Variants in FBLN5 observed in about 807,000 individuals in gnomAD.
FBLN5 encodes fibulin 5, also known as fibulin-5.
FBLN5 carries 24 observed loss-of-function variants against 61.6 expected under a neutral mutation model. That is an observed-to-expected ratio of 0.39 (90% confidence interval 0.28 to 0.55). FBLN5 has a LOEUF of 0.55. FBLN5 is among the 20% of genes least tolerant of loss of function. The pLI, the probability that FBLN5 is intolerant of heterozygous loss-of-function variation, is 0.65. For synonymous variants in FBLN5, 213 were observed against 219.8 expected, an observed-to-expected ratio of 0.97 and a Z score of 0.27; for missense variants, 470 against 594.1, an observed-to-expected ratio of 0.79 and a Z score of 2.17.
chr14:91,870,490 C>T (rs1237215022), intron 10 of FBLN5, 105 bp from the exon 11 acceptor site: 94 of 1,099,072 alleles, frequency 8.6e-5, no homozygotes, highest in Non-Finnish European at 1.1e-4. Context: ...GGCACCCCCT[C>T]GGTGCCTCAA....
Position 91,931,121 on chromosome 14 carries a change from G to A in FBLN5, c.379+5826C>T, listed in dbSNP as rs148860790. On this transcript the variant is annotated intron_variant, in intron 4 of 10. Transcript: ENST00000342058. Reference sequence around the variant, plus strand: ...TTTACAGATGAGGAAACCAACCCCCGTCCTCACAGGTAGGAAGTGGCCAAA... The same window carrying A: ...TTTACAGATGAGGAAACCAACCCCCATCCTCACAGGTAGGAAGTGGCCAAA... 5.7e-3 allele frequency among the ~76,000 whole-genome samples: 861 copies of A among 152,260 alleles called. 4 individuals carry two copies. The highest frequency in any genetic ancestry group is 0.01 in the Middle Eastern group (3 of 294).
chr14:91,897,041 G>A (rs894166125), intron 4 of FBLN5, among the ~76,000 whole-genome samples: 5 of 151,976 alleles, frequency 3.3e-5, no homozygotes, highest in Non-Finnish European at 5.9e-5. Flanking sequence ...CACTAACAAC[G>A]CTGATCAGTC....
At chr14:91,928,796 C>T (rs1395421007) in intron 4 of FBLN5, among the ~76,000 whole-genome samples, 1 of 152,104 alleles carries the variant, frequency 6.6e-6, no homozygotes, top group Non-Finnish European at 1.5e-5. Context: ...CAGTGGCTCA[C>T]ACCTGTAATC....
intron 10 of FBLN5, among the ~76,000 whole-genome samples, chr14:91,871,605 C>T (rs1302903144): frequency 6.6e-6 from 1 of 152,150 alleles, no homozygotes; most frequent in Non-Finnish European, 1.5e-5. Context: ...CAACTGTAAT[C>T]CCAGCATTTG....
At chr14:91,902,988 C>T (rs1890522744) in intron 4 of FBLN5, among the ~76,000 whole-genome samples, 1 of 152,088 alleles carries the variant, frequency 6.6e-6, no homozygotes, top group Non-Finnish European at 1.5e-5. Flanking sequence ...TGCTCAGTAC[C>T]TGGGTAATGG....
At chr14:91,895,611 C>T (rs1207396418) in intron 4 of FBLN5, among the ~76,000 whole-genome samples, 5 of 151,734 alleles carry the variant, frequency 3.3e-5, no homozygotes, top group Admixed American at 6.6e-5. Flanking sequence ...CGAGCTCAGG[C>T]AACATGGTGA....
intron 4 of FBLN5, among the ~76,000 whole-genome samples, chr14:91,933,483 G>A (rs2140042369): frequency 6.6e-6 from 1 of 152,204 alleles, no homozygotes; most frequent in African/African-American, 2.4e-5. Flanking sequence ...GGCCAGGCTG[G>A]TCTCGAACTC....
At chr14:91,906,898 C>T (rs1890706710) in intron 4 of FBLN5, among the ~76,000 whole-genome samples, 1 of 152,206 alleles carries the variant, frequency 6.6e-6, no homozygotes, top group African/African-American at 2.4e-5. Context: ...ATAAATGACA[C>T]ACAGGCCCTG....
At chr14:91,938,720 T>A (rs2056060038) in intron 3 of FBLN5, among the ~76,000 whole-genome samples, 1 of 152,180 alleles carries the variant, frequency 6.6e-6, no homozygotes. Flanking sequence ...TACCGAGCCA[T>A]GTCAGCAGCC....
intron 1 of FBLN5, among the ~76,000 whole-genome samples, chr14:91,945,088 G>A (rs1396128608): frequency 2.0e-5 from 3 of 152,028 alleles, no homozygotes; most frequent in Admixed American, 6.5e-5. Flanking sequence ...AAAATTAGCC[G>A]ACTGTGGTGG....
chr14:91,891,363 G>A, intron 5 of FBLN5, 26 bp from the exon 6 acceptor site: 1 of 1,423,884 alleles, frequency 7.0e-7, no homozygotes, highest in Non-Finnish European at 9.9e-7. Flanking sequence ...CAAGCAAAGT[G>A]AGACAGGTCT....
chr14:91,939,394 C>T (rs2268006), intron 3 of FBLN5, among the ~76,000 whole-genome samples: 78,037 of 148,246 alleles, frequency 0.53, 20,644 homozygotes, highest in East Asian at 0.61. Flanking sequence ...GGCTGGAGTA[C>T]AGTGGTGCGA....
intron 7 of FBLN5, among the ~76,000 whole-genome samples, chr14:91,885,396 G>A (rs1889681798): frequency 6.6e-6 from 1 of 152,102 alleles, no homozygotes. Context: ...ACTCCACTGT[G>A]TCCAAAAAAA....
At chr14:91,901,716 ATG>A (rs2139993798) in intron 4 of FBLN5, among the ~76,000 whole-genome samples, 1 of 152,274 alleles carries the variant, frequency 6.6e-6, no homozygotes, top group South Asian at 2.1e-4. Context: ...TCTGCACTCC[ATG>A]TGTCTTACGG....
intron 4 of FBLN5, among the ~76,000 whole-genome samples, chr14:91,931,063 T>C (rs2055914026): frequency 6.6e-6 from 1 of 152,186 alleles, no homozygotes; most frequent in South Asian, 2.1e-4. Flanking sequence ...TGTTTGCACA[T>C]GTTATCTGTG....
intron 6 of FBLN5, among the ~76,000 whole-genome samples, chr14:91,889,448 C>T (rs531513689): frequency 6.6e-6 from 1 of 152,326 alleles, no homozygotes; most frequent in South Asian, 2.1e-4. Flanking sequence ...CACACAGGGC[C>T]CCACTCCAAC....
chr14:91,894,877 G>A lies in FBLN5; in HGVS notation c.502+73C>T, dbSNP rs1019016318. 11 of 1,277,376 alleles carry A rather than the reference G, an allele frequency of 8.6e-6. No homozygotes were observed. The African/African-American group carries it at 1.4e-4, about 16-fold the overall frequency. 79.1% of individuals were successfully genotyped at this position (1,277,376 alleles called of 1,614,324 possible). ...TTACTACCCTCAGGCAGCCAGCTAT[G>A]CCCATACCTCAAAATGCCCCTGGCA... On this transcript the variant is annotated intron_variant, in intron 5 of 10. Transcript: ENST00000342058.
chr14:91,894,847 A>C (rs1180557961), intron 5 of FBLN5, 103 bp downstream of exon 5: 1 of 988,210 alleles, frequency 1.0e-6, no homozygotes, highest in Non-Finnish European at 1.5e-6. Flanking sequence ...CTAGCAAAGA[A>C]AAGCTTACTA....
chr14:91,937,311 T>C (rs1427832663), intron 3 of FBLN5, 110 bp from the exon 4 acceptor site: 12 of 1,451,278 alleles, frequency 8.3e-6, no homozygotes, highest in Middle Eastern at 4.3e-4. Context: ...CCCAAACACC[T>C]AGGGTGGTCC....
Sources: gnomAD v4.1 joint callset for allele counts (sites outside exome capture counted in the v4.1 genomes callset) on GRCh38, gnomAD v4.1.1 for gene constraint, MANE v1.5 for transcripts, NCBI Gene and HGNC (gene_info 2026-07-23, HGNC 2026-07-21) for gene names.